The following SHC4 variants were observed in gnomAD, a reference collection of about 807,000 sequenced individuals.
SHC4 encodes the protein SHC-transforming protein 4.
A neutral mutation model predicts 69.4 loss-of-function variants in SHC4; 41 were observed. That is an observed-to-expected ratio of 0.59 (90% CI 0.46 to 0.77). The LOEUF (loss-of-function observed/expected upper bound fraction) is 0.77. SHC4 is among the 30% of genes least tolerant of loss of function. SHC4 has a pLI of 0.00. For synonymous variants in SHC4, 318 were observed against 299.3 expected, an observed-to-expected ratio of 1.06 and a Z score of -0.64; for missense variants, 777 against 783.8, an observed-to-expected ratio of 0.99 and a Z score of 0.10.
chr15:48,838,210 T>C (rs1039778726), intron 10 of SHC4, among the ~76,000 whole-genome samples: 2 of 152,206 alleles, frequency 1.3e-5, no homozygotes, highest in African/African-American at 4.8e-5. Flanking sequence ...TTATTATAAC[T>C]GAGAGCTGAA....
At chr15:48,943,011 A>G (rs1901202972) in intron 1 of SHC4, among the ~76,000 whole-genome samples, 1 of 152,238 alleles carries the variant, frequency 6.6e-6, no homozygotes. Context: ...CATTCTTCTG[A>G]AATCCCATAT....
intron 2 of SHC4, among the ~76,000 whole-genome samples, chr15:48,923,315 C>T (rs944289844): frequency 1.3e-5 from 2 of 152,064 alleles, no homozygotes; most frequent in African/African-American, 2.4e-5. Flanking sequence ...CTTTGGGAGT[C>T]CAAGGCAGGT....
At chr15:48,902,415 T>G (rs1467123050) in intron 2 of SHC4, among the ~76,000 whole-genome samples, 1 of 152,190 alleles carries the variant, frequency 6.6e-6, no homozygotes. Flanking sequence ...TGGTACCTAG[T>G]AGGCTGCCTT....
intron 4 of SHC4, among the ~76,000 whole-genome samples, chr15:48,880,349 C>T (rs1365371956): frequency 6.6e-6 from 1 of 152,132 alleles, no homozygotes; most frequent in East Asian, 1.9e-4. Flanking sequence ...ACTGCCTCTT[C>T]CACTGCTTTC....
chr15:48,857,414 T>G (rs1208287136), intron 7 of SHC4, among the ~76,000 whole-genome samples: 1 of 152,204 alleles, frequency 6.6e-6, no homozygotes, highest in Non-Finnish European at 1.5e-5. Context: ...CTCTTTATAG[T>G]GCTAGAATAA....
At chr15:48,850,913 G>C (rs1001077514) in intron 9 of SHC4, among the ~76,000 whole-genome samples, 4 of 152,196 alleles carry the variant, frequency 2.6e-5, no homozygotes. Context: ...CCTTTCCAGA[G>C]AGAGAGCTTT....
At chr15:48,875,798 C>T (rs1396728796) in intron 4 of SHC4, among the ~76,000 whole-genome samples, 8 of 152,140 alleles carry the variant, frequency 5.3e-5, no homozygotes, top group African/African-American at 1.7e-4. Flanking sequence ...TCAAAGAGGT[C>T]GCTTCTGAAT....
chr15:48,889,356 T>C (rs912721897), intron 3 of SHC4, among the ~76,000 whole-genome samples: 2 of 152,156 alleles, frequency 1.3e-5, no homozygotes, highest in Non-Finnish European at 2.9e-5. Context: ...CCCTATGTAA[T>C]ATAATGAAGA....
rs745841671 is a variant in SHC4, at chr15:48,843,526, G to A, written c.1366C>T (p.Arg456Ter). ...RDTSLLKHTC[R>*]VDLFDDPCYI... ...CAGGGGTCATCAAAGAGATCCACTC[G>A]GCACGTGTGCTTCAATAATGAGGTA... The change falls in exon 10 of 12, where the codon CGA becomes TGA. Residue 456 changes from arginine to a stop codon, truncating the protein, a stop_gained. Coordinates refer to ENST00000332408, the MANE Select transcript of SHC4 (RefSeq NM_203349.4). LOFTEE classifies it high-confidence loss of function. 1.2e-5 allele frequency: 20 copies of A among 1,614,000 alleles called. No individual in the cohort carries two copies. Among genetic ancestry groups the A allele is most frequent in the South Asian group, 1.2e-4 (11 of 91,088 alleles).
chr15:48,900,496 G>A (rs1900303115), intron 2 of SHC4, among the ~76,000 whole-genome samples: 1 of 148,914 alleles, frequency 6.7e-6, no homozygotes, highest in Non-Finnish European at 1.5e-5. Context: ...TACAGAGTGA[G>A]ATTCCAACTC....
At chr15:48,952,283 A>T (rs1595768569) in intron 1 of SHC4, among the ~76,000 whole-genome samples, 1 of 152,350 alleles carries the variant, frequency 6.6e-6, no homozygotes, top group Middle Eastern at 3.4e-3. Context: ...CCTAAAGCAC[A>T]TGGGTTTTTC....
Position 48,867,871 on chromosome 15 carries a change from T to C in SHC4, c.895-2A>G, listed in dbSNP as rs1455010632. ...GTAGGCAACATAGTCTGTAGTATCC[T>C]ATAAAAAAGGGAAAATGACTGTATT... On this transcript the variant is annotated splice_acceptor_variant, in intron 5 of 11. Coordinates refer to ENST00000332408, the MANE Select transcript of SHC4 (RefSeq NM_203349.4). LOFTEE classifies it high-confidence loss of function. 2 of 1,610,948 alleles carry C rather than the reference T, an allele frequency of 1.2e-6. No individual in the cohort carries two copies.
intron 1 of SHC4, among the ~76,000 whole-genome samples, chr15:48,933,406 G>T (rs1327596713): frequency 6.6e-6 from 1 of 152,160 alleles, no homozygotes; most frequent in East Asian, 1.9e-4. Flanking sequence ...GAAAAACATT[G>T]TTGAAGGAAA....
intron 6 of SHC4, among the ~76,000 whole-genome samples, chr15:48,862,234 A>G (rs2140987182): frequency 6.6e-6 from 1 of 151,818 alleles, no homozygotes; most frequent in Middle Eastern, 3.4e-3. Context: ...ACCCAGAAGC[A>G]TGGCCTTCCT....
At chr15:48,846,418 A>G (rs1275795170) in intron 9 of SHC4, among the ~76,000 whole-genome samples, 1 of 152,184 alleles carries the variant, frequency 6.6e-6, no homozygotes. Flanking sequence ...TTATTTAGTC[A>G]TTGATGCTGG....
chr15:48,833,462 T>G (rs1380736538), intron 11 of SHC4, among the ~76,000 whole-genome samples: 5 of 152,136 alleles, frequency 3.3e-5, no homozygotes, highest in Non-Finnish European at 1.5e-5. Flanking sequence ...GATAACTGGT[T>G]TATCAGGTAT....
chr15:48,924,856 C>T (rs759260165), intron 2 of SHC4, 23 bp downstream of exon 2: 4 of 1,612,662 alleles, frequency 2.5e-6, no homozygotes, highest in Non-Finnish European at 3.4e-6. Flanking sequence ...TCCTCAAAGC[C>T]CCTCCCATTT....
intron 8 of SHC4, among the ~76,000 whole-genome samples, chr15:48,851,614 G>A (rs1161905703): frequency 1.3e-5 from 2 of 152,156 alleles, no homozygotes; most frequent in African/African-American, 4.8e-5. Context: ...GCCAACCTCT[G>A]TCTAATTTTG....
chr15:48,946,641 C>T lies in SHC4; in HGVS notation c.585+15790G>A, dbSNP rs58275240. 16,015 of 967,042 alleles carry T rather than the reference C, an allele frequency of 0.017. 975 individuals carry two copies. In the East Asian group the frequency reaches 0.2, roughly 12 times the overall value. The allele number at this position is 967,042 out of a possible 1,614,324, so 59.9% of individuals were successfully genotyped here. ...ACTTGTTTCATGTTGAGATTTTTCA[C>T]TGGATGGCTGTTCCCCATTCCTTGC... is the stretch of plus-strand genomic sequence containing the variant. On this transcript the variant is annotated intron_variant, in intron 1 of 11. Transcript: ENST00000332408.
Sources: allele counts gnomAD v4.1 joint callset (sites outside exome capture counted in the v4.1 genomes callset), GRCh38; gene constraint gnomAD v4.1.1; transcripts MANE v1.5; gene names NCBI Gene and HGNC (gene_info 2026-07-23, HGNC 2026-07-21).